Variants in LY9 observed in about 807,000 individuals in gnomAD.
LY9 encodes the protein lymphocyte antigen 9.
In LY9, 59 loss-of-function variants were observed where a neutral mutation model predicts 64.6. The ratio of observed to expected loss-of-function variants is 0.91; its 90% CI spans 0.74 to 1.13. The LOEUF is 1.13. Among genes scored for constraint, LY9 ranks in the 50% most tolerant of loss-of-function variants. The pLI is 0.00. For missense variants in LY9, 789 were observed against 797.2 expected, an observed-to-expected ratio of 0.99 and a Z score of 0.12; for synonymous variants, 281 against 308.5, an observed-to-expected ratio of 0.91 and a Z score of 0.93.
chr1:160,799,757 AAG>A lies in LY9; in HGVS notation c.132_133del (p.Arg44SerfsTer32). On this transcript the variant is annotated frameshift_variant, in exon 2 of 10. Transcript: ENST00000263285. LOFTEE classifies it high-confidence loss of function. Reference sequence around the variant, plus strand: ...GTCCCTCTTCTATCTCTGCAGGACTAAGAGCCTCTGGAAAGGACTCAGCCCCA... The same window carrying A: ...GTCCCTCTTCTATCTCTGCAGGACTAAGCCTCTGGAAAGGACTCAGCCCCA... ...TSLLFLLMGLRASGKDSAPTV... is the reference protein window; with the variant it reads ...TSLLFLLMGLXASGKDSAPTV... The A allele has an allele frequency of 6.2e-7, 1 of 1,610,364 alleles. No individual in the cohort carries two copies. Among genetic ancestry groups the A allele is most frequent in the Non-Finnish European group, 8.5e-7 (1 of 1,177,376 alleles).
At position 160,819,836 on chromosome 1, in the gene LY9, A is replaced by AAAGG. The variant is rs758315397; in HGVS notation, c.1498+479_1498+482dup. Among the ~76,000 whole-genome samples the AAAGG allele has an allele frequency of 3.0e-3, 332 of 109,020 alleles. 3 individuals are homozygous for AAAGG. The highest frequency in any genetic ancestry group is 4.2e-3 in the Non-Finnish European group (227 of 53,656). 71.5% of individuals were successfully genotyped at this position (109,020 alleles called of 152,430 possible). A position where few individuals can be genotyped will look rare whatever the true frequency, so the allele number is the denominator to read the frequency against. On this transcript the variant is annotated intron_variant, in intron 7 of 9. Transcript: ENST00000263285. ...GAAAGAGAAAGAAAGAGAGAGAAAG[A>AAAGG]AAGGAAGGAAGGAAGGAAGGGAGGG...
At chr1:160,806,368 T>C (rs1666995109) in intron 2 of LY9, among the ~76,000 whole-genome samples, 1 of 152,232 alleles carries the variant, frequency 6.6e-6, no homozygotes, top group Admixed American at 6.5e-5. Context: ...TCTGTGTGTT[T>C]CCATCATGGT....
intron 9 of LY9, among the ~76,000 whole-genome samples, chr1:160,825,426 A>G (rs919315641): frequency 6.6e-6 from 1 of 152,218 alleles, no homozygotes; most frequent in East Asian, 1.9e-4. Flanking sequence ...TGACAAAGAT[A>G]GTACTTGGAA....
intron 1 of LY9, among the ~76,000 whole-genome samples, chr1:160,797,743 C>T (rs1220023669): frequency 1.3e-5 from 2 of 152,134 alleles, no homozygotes; most frequent in African/African-American, 4.8e-5. Context: ...GTATCAGGAA[C>T]ATCTGAAATT....
At chr1:160,799,522 C>T (rs1666235223) in intron 1 of LY9, 1 of 475,866 alleles carries the variant, frequency 2.1e-6, no homozygotes. Context: ...AACAGAAACC[C>T]AGAAGATCTG....
At chr1:160,801,530 C>A (rs898816167) in intron 2 of LY9, among the ~76,000 whole-genome samples, 2 of 152,132 alleles carry the variant, frequency 1.3e-5, no homozygotes, top group Admixed American at 6.5e-5. Context: ...TTGATTATTT[C>A]TTTTGCTGTG....
intron 2 of LY9, among the ~76,000 whole-genome samples, chr1:160,807,988 A>G (rs1161884590): frequency 1.3e-5 from 2 of 152,052 alleles, no homozygotes; most frequent in Non-Finnish European, 2.9e-5. Flanking sequence ...TCAGGTGAGG[A>G]CAGTAGCCGC....
At chr1:160,796,381 G>T in intron 1 of LY9, 70 bp downstream of exon 1, 1 of 1,507,676 alleles carries the variant, frequency 6.6e-7, no homozygotes, top group Non-Finnish European at 8.9e-7. Context: ...TTCCCTGCCT[G>T]GGAGATTCTT....
At chr1:160,815,032 T>C in intron 4 of LY9, 1 of 470,408 alleles carries the variant, frequency 2.1e-6, no homozygotes, top group East Asian at 3.6e-5. Flanking sequence ...CCGGTCCTTC[T>C]GCACTGAGTG....
intron 1 of LY9, among the ~76,000 whole-genome samples, chr1:160,798,351 G>A (rs975957300): frequency 2.6e-5 from 4 of 152,068 alleles, no homozygotes; most frequent in South Asian, 2.1e-4. Context: ...GTAATCTCAG[G>A]GAAGTGGATT....
chr1:160,806,348 G>A (rs1281249252), intron 2 of LY9, among the ~76,000 whole-genome samples: 1 of 152,090 alleles, frequency 6.6e-6, no homozygotes, highest in Non-Finnish European at 1.5e-5. Flanking sequence ...TTACAAATGA[G>A]TTTTATACTT....
intron 2 of LY9, among the ~76,000 whole-genome samples, chr1:160,805,401 A>G (rs1371957543): frequency 6.6e-6 from 1 of 151,688 alleles, no homozygotes; most frequent in Non-Finnish European, 1.5e-5. Flanking sequence ...TATTTGTATC[A>G]TTTCCAAAGT....
At chr1:160,826,542 T>C (rs1258334034) in intron 9 of LY9, among the ~76,000 whole-genome samples, 1 of 152,232 alleles carries the variant, frequency 6.6e-6, no homozygotes, top group Non-Finnish European at 1.5e-5. Flanking sequence ...TGCAACCTCC[T>C]GCGTAAATGG....
intron 9 of LY9, among the ~76,000 whole-genome samples, chr1:160,825,687 A>C (rs1354336716): frequency 6.6e-6 from 1 of 152,168 alleles, no homozygotes; most frequent in African/African-American, 2.4e-5. Context: ...AGGCAGGTGG[A>C]TCACCTGAGG....
At chr1:160,824,468 T>A (rs544831687) in intron 9 of LY9, 2 of 984,948 alleles carry the variant, frequency 2.0e-6, no homozygotes, top group East Asian at 2.3e-4. Flanking sequence ...GATTTAATAA[T>A]ATCTTATGTT....
intron 2 of LY9, among the ~76,000 whole-genome samples, chr1:160,806,873 C>T (rs995585895): frequency 6.6e-6 from 1 of 152,164 alleles, no homozygotes; most frequent in Non-Finnish European, 1.5e-5. Flanking sequence ...TATTTTATCA[C>T]TTTATGAAGT....
rs147717176 is a variant in LY9 at position 160,819,209 on chromosome 1, T to G, written c.1445-112T>G. The G allele has an allele frequency of 3.8e-5, 32 of 836,924 alleles. No homozygotes were observed. In the African/African-American group the frequency reaches 4.7e-4, roughly 12 times the overall value. The allele number at this position is 836,924 out of a possible 1,614,324, so 51.8% of individuals were successfully genotyped here. A position where few individuals can be genotyped will look rare whatever the true frequency, so the allele number is the denominator to read the frequency against. ...GTTCATCCTCCTTCCTGAAGCCTTT[T>G]CCCTGTCTATGTCCCAGAAGTCTCT... On this transcript the variant is annotated intron_variant, in intron 6 of 9. Coordinates refer to ENST00000263285, the MANE Select transcript of LY9 (RefSeq NM_002348.4).
chr1:160,804,389 A>G (rs1465405588), intron 2 of LY9, among the ~76,000 whole-genome samples: 1 of 152,224 alleles, frequency 6.6e-6, no homozygotes, highest in East Asian at 1.9e-4. Context: ...GATGTATCAC[A>G]TTTATTGATT....
At chr1:160,801,152 CAT>C (rs1666436316) in intron 2 of LY9, among the ~76,000 whole-genome samples, 1 of 152,068 alleles carries the variant, frequency 6.6e-6, no homozygotes, top group Non-Finnish European at 1.5e-5. Context: ...TATTGTTTTG[CAT>C]AGTGGCTGTA....
Sources: allele counts gnomAD v4.1 joint callset (sites outside exome capture counted in the v4.1 genomes callset), GRCh38; gene constraint gnomAD v4.1.1; transcripts MANE v1.5; gene names NCBI Gene and HGNC (gene_info 2026-07-23, HGNC 2026-07-21).